Variants in RASSF2 observed in about 807,000 individuals in gnomAD.
RASSF2 encodes ras association domain-containing protein 2.
RASSF2 carries 34 observed loss-of-function variants against 46.3 expected under a neutral mutation model. That is an observed-to-expected ratio of 0.73 (90% confidence interval 0.56 to 0.98). RASSF2 has a LOEUF of 0.98. RASSF2 is among the 50% of genes least tolerant of loss of function. The pLI is 0.00. For missense variants in RASSF2, 364 were observed against 431.2 expected (o/e 0.84, Z 1.38); for synonymous variants, 158 against 162.5 (o/e 0.97, Z 0.21).
intron 3 of RASSF2, among the ~76,000 whole-genome samples, chr20:4,800,613 T>C (rs187411449): frequency 2.6e-5 from 4 of 152,240 alleles, no homozygotes; most frequent in Admixed American, 1.3e-4. Flanking sequence ...GGGGTGAAGT[T>C]TCCACATAGG....
At chr20:4,809,081 A>T (rs1450834981) in intron 2 of RASSF2, among the ~76,000 whole-genome samples, 1 of 152,212 alleles carries the variant, frequency 6.6e-6, no homozygotes, top group Non-Finnish European at 1.5e-5. Flanking sequence ...TCCCTCTGAC[A>T]CTGGCTTCAT....
rs540645372 is a variant in RASSF2 at position 4,812,040 on chromosome 20, G to A, written c.-33+10289C>T. ...GACCCCTTGTAGTGGGGCAGGAAGCGGTGTGGATGGCAAACAGGAAACCCC... is the reference window on the plus strand; with the variant it reads ...GACCCCTTGTAGTGGGGCAGGAAGCAGTGTGGATGGCAAACAGGAAACCCC... On this transcript the variant is annotated intron_variant, in intron 2 of 11. Transcript: ENST00000379400. The surrounding 1 kb of genome is among the most constrained non-coding windows in gnomAD (Gnocchi z 4.0). Among the ~76,000 whole-genome samples, 38 of 152,170 alleles carry A rather than the reference G, an allele frequency of 2.5e-4. No individual in the cohort carries two copies. The highest frequency in any genetic ancestry group is 7.9e-4 in the African/African-American group (33 of 41,528).
intron 2 of RASSF2, among the ~76,000 whole-genome samples, chr20:4,819,076 C>A (rs1928527527): frequency 6.6e-6 from 1 of 152,186 alleles, no homozygotes; most frequent in African/African-American, 2.4e-5. Flanking sequence ...GATTCTCCTG[C>A]CTCAGGCTCC....
At chr20:4,798,491 C>T (rs979590230) in intron 3 of RASSF2, among the ~76,000 whole-genome samples, 2 of 152,142 alleles carry the variant, frequency 1.3e-5, no homozygotes, top group Non-Finnish European at 2.9e-5. Flanking sequence ...CTCAAGCACG[C>T]TGTGAGTGAG....
Position 4,789,660 on chromosome 20 carries a change from T to C in RASSF2, c.575A>G (p.Asn192Ser). ...VFTPAYGSVT[N>S]VRINSTMTTP... The stretch of plus-strand genomic sequence containing the variant: ...GGTCATGGTGCTGTTGATGCGGACG[T>C]TGGTGACAGAGCCATAGGCTGGTGT... Residue 192 changes from asparagine to serine, a missense_variant, in exon 8 of 12, where the codon AAC (asparagine) becomes AGC (serine). By Grantham distance (46) the Asn-to-Ser change is conservative. Transcript: ENST00000379400. The C allele has an allele frequency of 8.1e-6, 13 of 1,614,046 alleles. No individual in the cohort carries two copies. The highest frequency in any genetic ancestry group is 1.1e-5 in the Non-Finnish European group (13 of 1,180,004).
intron 4 of RASSF2, among the ~76,000 whole-genome samples, chr20:4,797,466 T>C (rs982743136): frequency 6.6e-6 from 1 of 152,216 alleles, no homozygotes; most frequent in Non-Finnish European, 1.5e-5. Flanking sequence ...GATAACAGGC[T>C]TTAGAGAAAT....
intron 5 of RASSF2, among the ~76,000 whole-genome samples, chr20:4,794,083 T>C (rs538105152): frequency 6.6e-6 from 1 of 152,238 alleles, no homozygotes; most frequent in East Asian, 1.9e-4. Flanking sequence ...ACAGCAATAA[T>C]ACAGTATAGT....
chr20:4,789,827 C>A, intron 7 of RASSF2, 130 bp from the exon 8 acceptor site: 2 of 717,540 alleles, frequency 2.8e-6, no homozygotes, highest in South Asian at 1.8e-5. Context: ...GGCAGACTGG[C>A]AAGCAGCAGG....
chr20:4,803,999 A>G (rs563285832), intron 2 of RASSF2, among the ~76,000 whole-genome samples: 5 of 152,162 alleles, frequency 3.3e-5, no homozygotes, highest in African/African-American at 4.8e-5. Flanking sequence ...CCAAGGCTGC[A>G]GTGAGCCACA....
chr20:4,813,122 T>C (rs116742038), intron 2 of RASSF2, among the ~76,000 whole-genome samples: 3,060 of 151,984 alleles, frequency 0.02, 92 homozygotes, highest in African/African-American at 0.07. Context: ...ACCCCTCCCA[T>C]TCACAGGCCC....
Position 4,781,712 on chromosome 20 carries a change from A to T in RASSF2, c.*2561T>A, listed in dbSNP as rs564593221. On this transcript the variant is annotated 3_prime_UTR_variant, in exon 12 of 12. Transcript: ENST00000379400. The stretch of plus-strand genomic sequence containing the variant: ...CGGGGTGGGGGTGGTGGGGAGACAG[A>T]TGCAGCTAAACTGCTTTTCACAAGT... 1.3e-5 allele frequency: 2 copies of T among 152,226 alleles called. No homozygotes were observed. The highest frequency in any genetic ancestry group is 4.1e-4 in the South Asian group (2 of 4,832). 9.4% of individuals were successfully genotyped at this position (152,226 alleles called of 1,614,324 possible). A position where few individuals can be genotyped will look rare whatever the true frequency, so the allele number is the denominator to read the frequency against.
chr20:4,809,902 G>A (rs1021237447), intron 2 of RASSF2, among the ~76,000 whole-genome samples: 21 of 152,294 alleles, frequency 1.4e-4, no homozygotes, highest in East Asian at 3.9e-4. Context: ...CTTCTGGACC[G>A]CTGCATGTCA....
At chr20:4,809,301 C>G (rs1288190072) in intron 2 of RASSF2, among the ~76,000 whole-genome samples, 1 of 152,158 alleles carries the variant, frequency 6.6e-6, no homozygotes, top group African/African-American at 2.4e-5. Flanking sequence ...ATGATGACAT[C>G]CCAGCCACAG....
chr20:4,817,912 A>G (rs1018052442), intron 2 of RASSF2, among the ~76,000 whole-genome samples: 1 of 152,202 alleles, frequency 6.6e-6, no homozygotes, highest in Admixed American at 6.5e-5. Context: ...ATATGGAATC[A>G]TTTAATCCCT....
At chr20:4,799,860 C>G (rs1926711008) in intron 3 of RASSF2, among the ~76,000 whole-genome samples, 1 of 152,180 alleles carries the variant, frequency 6.6e-6, no homozygotes, top group South Asian at 2.1e-4. Context: ...GCCTGTAATC[C>G]CAGCACTTTG....
chr20:4,794,730 T>A (rs1229217018), intron 5 of RASSF2, among the ~76,000 whole-genome samples: 1 of 151,908 alleles, frequency 6.6e-6, no homozygotes, highest in South Asian at 2.1e-4. Context: ...AACAAAAATA[T>A]GGTGATAGTG....
At chr20:4,823,231 C>A (rs1928840393) in intron 1 of RASSF2, among the ~76,000 whole-genome samples, 1 of 152,106 alleles carries the variant, frequency 6.6e-6, no homozygotes, top group African/African-American at 2.4e-5. Flanking sequence ...GGAAAGAGAG[C>A]GGCCCGCGCC....
At chr20:4,815,121 A>G (rs1928192286) in intron 2 of RASSF2, 1 of 152,214 alleles carries the variant, frequency 6.6e-6, no homozygotes, top group African/African-American at 2.4e-5. Flanking sequence ...AACTCACAGC[A>G]TTTGCCTCAG....
At chr20:4,807,078 C>T (rs6084898) in intron 2 of RASSF2, among the ~76,000 whole-genome samples, 37,274 of 151,958 alleles carry the variant, frequency 0.25, 4,849 homozygotes, top group African/African-American at 0.29. Context: ...AATAAACATA[C>T]AGAAATAGAC....
Sources: allele counts gnomAD v4.1 joint callset (sites outside exome capture counted in the v4.1 genomes callset), GRCh38; gene constraint gnomAD v4.1.1; non-coding constraint Gnocchi (gnomAD v3.1); transcripts MANE v1.5; gene names NCBI Gene and HGNC (gene_info 2026-07-23, HGNC 2026-07-21).